Variants in CALN1 observed in about 807,000 individuals in gnomAD.
CALN1 encodes calneuron 1, also known as calcium-binding protein 8.
CALN1 carries 17 observed loss-of-function variants against 30.6 expected under a neutral mutation model. The observed-to-expected ratio is 0.56, with a 90% CI of 0.38 to 0.83. CALN1 has a LOEUF of 0.83. CALN1 is among the 40% of genes least tolerant of loss of function. The pLI is 0.00. For missense variants in CALN1, 291 were observed against 354.9 expected (o/e 0.82, Z 1.45); for synonymous variants, 156 against 131.4 (o/e 1.19, Z -1.28).
chr7:71,881,190 T>C (rs1190073693), intron 5 of CALN1, among the ~76,000 whole-genome samples: 5 of 152,190 alleles, frequency 3.3e-5, no homozygotes, highest in Admixed American at 2.6e-4. Context: ...TGCCAGGGGC[T>C]CTCAGGCCTT....
At chr7:72,228,958 TG>T (rs373329102) in intron 3 of CALN1, among the ~76,000 whole-genome samples, 2 of 131,992 alleles carry the variant, frequency 1.5e-5, no homozygotes, top group Admixed American at 8.2e-5. Context: ...ATGTTGGTGG[TG>T]GGGGGCGGGG....
At chr7:72,051,269 C>A (rs1802821228) in intron 4 of CALN1, among the ~76,000 whole-genome samples, 1 of 151,642 alleles carries the variant, frequency 6.6e-6, no homozygotes, top group Admixed American at 6.6e-5. Flanking sequence ...AATATAATTA[C>A]AACTGAGAAA....
intron 6 of CALN1, among the ~76,000 whole-genome samples, chr7:71,798,470 A>AT (rs991012388): frequency 3.3e-5 from 5 of 151,882 alleles, no homozygotes; most frequent in Non-Finnish European, 5.9e-5. Context: ...TGCTTGGCTA[A>AT]TTTTTTAAAA....
intron 3 of CALN1, among the ~76,000 whole-genome samples, chr7:72,219,014 A>C (rs1793065719): frequency 6.6e-6 from 1 of 152,204 alleles, no homozygotes; most frequent in Admixed American, 6.5e-5. Context: ...CACCCCTGAA[A>C]CAGGAAACTG....
chr7:72,372,648 C>T (rs529499819), intron 2 of CALN1, among the ~76,000 whole-genome samples: 1 of 152,248 alleles, frequency 6.6e-6, no homozygotes, highest in Admixed American at 6.5e-5. Context: ...TGGCGTCACA[C>T]ACAGGGGACA....
intron 5 of CALN1, among the ~76,000 whole-genome samples, chr7:71,878,619 A>G (rs1792388560): frequency 6.6e-6 from 1 of 152,158 alleles, no homozygotes; most frequent in African/African-American, 2.4e-5. Flanking sequence ...AGTGGATTTT[A>G]CCTGACATGA....
At chr7:72,063,754 G>C (rs1803826751) in intron 4 of CALN1, among the ~76,000 whole-genome samples, 1 of 152,138 alleles carries the variant, frequency 6.6e-6, no homozygotes, top group East Asian at 1.9e-4. Context: ...AACCTGACGT[G>C]GAAAGGAAAT....
At chr7:72,372,400 A>G (rs957812994) in intron 2 of CALN1, among the ~76,000 whole-genome samples, 2 of 152,132 alleles carry the variant, frequency 1.3e-5, no homozygotes, top group Non-Finnish European at 2.9e-5. Flanking sequence ...CATGCAGCAG[A>G]TTGGGGTTAA....
chr7:71,897,977 A>C (rs1255725051), intron 5 of CALN1, among the ~76,000 whole-genome samples: 65 of 116,842 alleles, frequency 5.6e-4, no homozygotes, highest in East Asian at 3.2e-3. Flanking sequence ...AAAAACAAAA[A>C]AAAAAAAAAA....
chr7:72,269,553 C>G (rs1585314686), intron 3 of CALN1, among the ~76,000 whole-genome samples: 1 of 152,220 alleles, frequency 6.6e-6, no homozygotes, highest in East Asian at 1.9e-4. Context: ...AGTGGAAAAA[C>G]CTCATTAGTA....
chr7:72,462,794 T>C, the CALN1 span, among the ~76,000 whole-genome samples: 3 of 152,202 alleles, frequency 2.0e-5, no homozygotes, highest in Non-Finnish European at 4.4e-5. Flanking sequence ...ACCCCTGGGT[T>C]CAACCGTGAT....
chr7:72,271,560 CT>C (rs1796970881), intron 3 of CALN1, among the ~76,000 whole-genome samples: 2 of 27,592 alleles, frequency 7.2e-5, no homozygotes, highest in African/African-American at 1.0e-3. Flanking sequence ...CTGTGCCTGC[CT>C]TTTAAAAAAA....
intron 2 of CALN1, among the ~76,000 whole-genome samples, chr7:72,351,064 C>G (rs1410372054): frequency 6.6e-6 from 1 of 152,122 alleles, no homozygotes; most frequent in East Asian, 1.9e-4. Context: ...TCACTGGAAC[C>G]CGGGAGGTGG....
At chr7:71,972,705 C>G (rs1797908494) in intron 5 of CALN1, among the ~76,000 whole-genome samples, 1 of 152,166 alleles carries the variant, frequency 6.6e-6, no homozygotes, top group African/African-American at 2.4e-5. Context: ...TACCATGCAG[C>G]TTTCAGCTTC....
chr7:72,302,423 A>G (rs1276681864), intron 2 of CALN1, among the ~76,000 whole-genome samples: 2 of 152,200 alleles, frequency 1.3e-5, no homozygotes, highest in Non-Finnish European at 2.9e-5. Context: ...CAGTGGAGCA[A>G]GTGGTCTGGA....
At chr7:71,963,391 T>G (rs978128997) in intron 5 of CALN1, among the ~76,000 whole-genome samples, 6 of 151,938 alleles carry the variant, frequency 3.9e-5, no homozygotes, top group East Asian at 1.9e-4. Context: ...TTGATCTCCT[T>G]ACCTCGTGAT....
chr7:72,250,584 G>C (rs1358881752), intron 3 of CALN1, among the ~76,000 whole-genome samples: 2 of 152,144 alleles, frequency 1.3e-5, no homozygotes, highest in Non-Finnish European at 2.9e-5. Context: ...GTGGGGTCTG[G>C]TGGGAAGTGT....
At position 71,991,645 on chromosome 7, in the gene CALN1, G is replaced by A. The variant is rs959236580; in HGVS notation, c.501+32012C>T. Among the ~76,000 whole-genome samples the A allele has an allele frequency of 2.6e-5, 4 of 152,180 alleles. No individual in the cohort carries two copies. In the East Asian group the frequency reaches 7.7e-4, roughly 29 times the overall value. On this transcript the variant is annotated intron_variant, in intron 5 of 6. Coordinates refer to ENST00000395275, the MANE Select transcript of CALN1 (RefSeq NM_031468.4). ...GTTGTACAAAACAGATTCTCTACAA[G>A]GAATATAATCAAGCCAAGTTCAAAC...
In CALN1 at chr7:72,159,312, C is replaced by A. The variant is rs540503706; in HGVS notation, c.245-53018G>T. Among the ~76,000 whole-genome samples the A allele has an allele frequency of 2.0e-4, 31 of 152,252 alleles. No individual in the cohort carries two copies. The South Asian group carries it at 6.2e-3, about 31-fold the overall frequency. On this transcript the variant is annotated intron_variant, in intron 3 of 6. Coordinates refer to ENST00000395275, the MANE Select transcript of CALN1 (RefSeq NM_031468.4). ...GAGATTTAAAGAACTAGAGCCTGGG[C>A]AATATAGCAAGACCCCATCTCAAAA...
Sources: gnomAD v4.1 joint callset for allele counts (sites outside exome capture counted in the v4.1 genomes callset) on GRCh38, gnomAD v4.1.1 for gene constraint, MANE v1.5 for transcripts, NCBI Gene and HGNC (gene_info 2026-07-23, HGNC 2026-07-21) for gene names.